Variants in FCRL3 observed in about 807,000 individuals in gnomAD.
The protein encoded by FCRL3 is Fc receptor like 3, also known as Fc receptor-like protein 3.
Under a neutral mutation model 75.0 loss-of-function variants are expected in FCRL3, and 89 were observed. The ratio of observed to expected loss-of-function variants is 1.19; its 90% CI spans 1.00 to 1.42. The LOEUF is 1.42. FCRL3 is among the 40% of genes most tolerant of loss of function. FCRL3 has a pLI of 0.00. For synonymous variants in FCRL3, 376 were observed against 348.5 expected, an observed-to-expected ratio of 1.08 and a Z score of -0.88; for missense variants, 946 against 880.0, an observed-to-expected ratio of 1.07 and a Z score of -0.95.
chr1:157,698,297 A>C, intron 4 of FCRL3, 87 bp downstream of exon 4: 1 of 1,512,466 alleles, frequency 6.6e-7, no homozygotes, highest in Non-Finnish European at 9.0e-7. Flanking sequence ...GTCTGCTTAC[A>C]ACTCTGCCTA....
At chr1:157,687,314 G>T (rs1655232230) in intron 10 of FCRL3, among the ~76,000 whole-genome samples, 1 of 148,802 alleles carries the variant, frequency 6.7e-6, no homozygotes, top group African/African-American at 2.5e-5. Flanking sequence ...GAGGAGAAAA[G>T]GGAATGCTTA....
At position 157,697,869 on chromosome 1, in the gene FCRL3, T is replaced by C. The variant is rs531718483; in HGVS notation, c.349A>G (p.Ile117Val). The C allele has an allele frequency of 6.2e-7, 1 of 1,614,178 alleles. No homozygotes were observed. The highest frequency in any genetic ancestry group is 1.1e-5 in the South Asian group (1 of 91,080). ...LHPVFEGDNV[I>V]LRCQGKDNKN... ...TTGTCTTTCCCCTGACATCTCAGAATGACATTGTCTCCTTCAAAGACAGGA... is the reference window on the plus strand; with the variant it reads ...TTGTCTTTCCCCTGACATCTCAGAACGACATTGTCTCCTTCAAAGACAGGA... The change falls in exon 5 of 15, where the codon ATT becomes GTT. Residue 117 changes from isoleucine to valine, a missense_variant. Transcript: ENST00000368184.
Position 157,676,689 on chromosome 1 carries a change from C to A in FCRL3, c.*2021G>T. The A allele has an allele frequency of 6.5e-7, 1 of 1,548,088 alleles. No homozygotes were observed. The highest frequency in any genetic ancestry group is 1.2e-5 in the South Asian group (1 of 83,994). ...GTTAGGACTCACCCCTTCTTCCACT[C>A]ACATACTCTGATTTGCACAGGGCTA... On this transcript the variant is annotated 3_prime_UTR_variant, in exon 15 of 15. Coordinates refer to ENST00000368184, the MANE Select transcript of FCRL3 (RefSeq NM_052939.4).
At chr1:157,679,372 G>A (rs528328375) in intron 13 of FCRL3, among the ~76,000 whole-genome samples, 1 of 152,290 alleles carries the variant, frequency 6.6e-6, no homozygotes, top group East Asian at 1.9e-4. Flanking sequence ...GATCCTCTGG[G>A]AGAAGGAGGC....
In FCRL3 at chr1:157,677,384, GGT is replaced by G. The variant is rs1654526545; in HGVS notation, c.*1324_*1325del. The stretch of plus-strand genomic sequence containing the variant: ...AGATGTGGTGCTTTGAAAGGGACTT[GGT>G]GTTCCTACATGAACCAAGTGAAGGC... On this transcript the variant is annotated 3_prime_UTR_variant, in exon 15 of 15. Transcript: ENST00000368184. 1.0e-6 allele frequency: 1 copy of G among 985,788 alleles called. No individual in the cohort carries two copies. The highest frequency in any genetic ancestry group is 1.2e-6 in the Non-Finnish European group (1 of 830,206). The allele number at this position is 985,788 out of a possible 1,614,324, so 61.1% of individuals were successfully genotyped here.
chr1:157,677,464 A>G lies in FCRL3; in HGVS notation c.*1246T>C, dbSNP rs970376318. 1.0e-6 allele frequency: 1 copy of G among 985,334 alleles called. No individual in the cohort carries two copies. Among genetic ancestry groups the G allele is most frequent in the Non-Finnish European group, 1.2e-6 (1 of 829,948 alleles). 61.0% of individuals were successfully genotyped at this position (985,334 alleles called of 1,614,324 possible). On this transcript the variant is annotated 3_prime_UTR_variant, in exon 15 of 15. Coordinates refer to ENST00000368184, the MANE Select transcript of FCRL3 (RefSeq NM_052939.4). ...TGTTAATATAATCTCAGTTGTCCCT[A>G]GGACTTGAGGTGTTCAGAGATATTT...
chr1:157,694,906 G>A (rs914524774), intron 8 of FCRL3, among the ~76,000 whole-genome samples: 1 of 152,116 alleles, frequency 6.6e-6, no homozygotes, highest in Admixed American at 6.5e-5. Context: ...AATGATCCAG[G>A]GAGCCAAGTG....
At position 157,700,458 on chromosome 1, in the gene FCRL3, C is replaced by T. The variant is rs912993102; in HGVS notation, c.31+1G>A. On this transcript the variant is annotated splice_donor_variant, in intron 2 of 14. Transcript: ENST00000368184. LOFTEE classifies it high-confidence loss of function. The stretch of plus-strand genomic sequence containing the variant: ...GGCCCCATTATAGCCCATCTACTCA[C>T]TCAGGATCAGCAGCAGCAGCCACAG... 8.7e-6 allele frequency: 14 copies of T among 1,613,872 alleles called. No individual in the cohort carries two copies. The Middle Eastern group carries it at 4.9e-4, about 57-fold the overall frequency.
chr1:157,681,368 A>T (rs1571189757), intron 11 of FCRL3, among the ~76,000 whole-genome samples: 1 of 146,828 alleles, frequency 6.8e-6, no homozygotes, highest in Admixed American at 6.8e-5. Flanking sequence ...AATTAGGTAT[A>T]TCTCCTAATG....
rs553505837 is a variant in FCRL3, at chr1:157,699,827, T to C, written c.32-115A>G. On this transcript the variant is annotated intron_variant, in intron 2 of 14. Transcript: ENST00000368184. ...ATTTCTTTGCTCCCTTTTTATATCA[T>C]CCAGAGCCCCTAAACAACAAAGAAA... is the stretch of plus-strand genomic sequence containing the variant. 20 of 1,124,232 alleles carry C rather than the reference T, an allele frequency of 1.8e-5. 1 individual carries two copies. In the East Asian group the frequency reaches 2.3e-4, roughly 13 times the overall value. The allele number at this position is 1,124,232 out of a possible 1,614,324, so 69.6% of individuals were successfully genotyped here. A position where few individuals can be genotyped will look rare whatever the true frequency, so the allele number is the denominator to read the frequency against.
intron 10 of FCRL3, 146 bp downstream of exon 10, chr1:157,689,652 A>C: frequency 9.7e-7 from 1 of 1,035,204 alleles, no homozygotes; most frequent in Admixed American, 3.1e-5. Flanking sequence ...TTTTTGCTAC[A>C]ATTGCCTACA....
intron 11 of FCRL3, 24 bp downstream of exon 11, chr1:157,683,193 C>T: frequency 2.5e-6 from 4 of 1,605,438 alleles, no homozygotes; most frequent in Non-Finnish European, 3.4e-6. Flanking sequence ...AAAATGTTGG[C>T]AGCACAAGAA....
At chr1:157,696,981 C>A in intron 6 of FCRL3, 159 bp downstream of exon 6, 1 of 580,976 alleles carries the variant, frequency 1.7e-6, no homozygotes, top group Non-Finnish European at 2.6e-6. Context: ...AGAAAATGTT[C>A]TAGGGCTGTT....
chr1:157,700,777 T>C (rs1656268600), upstream of FCRL3: 1 of 1,252,714 alleles, frequency 8.0e-7, no homozygotes, highest in South Asian at 2.5e-5. Flanking sequence ...TGTGCCTGGG[T>C]TCTCTAGAAA....
At position 157,678,708 on chromosome 1, in the gene FCRL3, G is replaced by A; in HGVS notation, c.*2C>T. The stretch of plus-strand genomic sequence containing the variant: ...TTCCTGTGGGCCACTCTGGGTAAGG[G>A]GCTAGTGGTCTGAGGCCAGTAATAC... On this transcript the variant is annotated 3_prime_UTR_variant, in exon 15 of 15. Transcript: ENST00000368184. 2 of 1,613,094 alleles carry A rather than the reference G, an allele frequency of 1.2e-6. No homozygotes were observed. Among genetic ancestry groups the A allele is most frequent in the Non-Finnish European group, 1.7e-6 (2 of 1,179,938 alleles).
chr1:157,688,702 T>A (rs60225891), intron 10 of FCRL3, among the ~76,000 whole-genome samples: 170 of 150,958 alleles, frequency 1.1e-3, no homozygotes, highest in African/African-American at 3.9e-3. Flanking sequence ...ATTCTGGAAG[T>A]GGTAACTGAG....
At chr1:157,685,780 A>C (rs528330536) in intron 10 of FCRL3, among the ~76,000 whole-genome samples, 1 of 152,286 alleles carries the variant, frequency 6.6e-6, no homozygotes, top group East Asian at 1.9e-4. Context: ...AAAAATAGAA[A>C]TAAATATCAA....
intron 8 of FCRL3, chr1:157,691,837 T>C (rs1033540154): frequency 3.9e-5 from 6 of 152,076 alleles, no homozygotes; most frequent in African/African-American, 1.2e-4. Context: ...TCCCCTAAAA[T>C]CAAAGAACTT....
At position 157,678,765 on chromosome 1, in the gene FCRL3, T is replaced by A; in HGVS notation, c.2150A>T (p.Asp717Val). The change falls in exon 15 of 15, where the codon GAT (aspartate) becomes GTT (valine). Residue 717 changes from aspartate (D) to valine (V), a missense_variant. By Grantham distance (152) the Asp-to-Val change is radical. Transcript: ENST00000368184. ...ASSRGRAHEE[D>V]DEENYENVPR... ...TACATTCTCATAGTTTTCTTCATCA[T>A]CTTCTTCATGGGCCCTGCCTCTGCT... is the stretch of plus-strand genomic sequence containing the variant. 6.2e-7 allele frequency: 1 copy of A among 1,614,100 alleles called. No individual in the cohort carries two copies. The highest frequency in any genetic ancestry group is 8.5e-7 in the Non-Finnish European group (1 of 1,179,984).
Sources: allele counts gnomAD v4.1 joint callset (sites outside exome capture counted in the v4.1 genomes callset), GRCh38; gene constraint gnomAD v4.1.1; transcripts MANE v1.5; gene names NCBI Gene and HGNC (gene_info 2026-07-23, HGNC 2026-07-21).